Variants in VPS26C observed in about 807,000 individuals in gnomAD.
The protein encoded by VPS26C is vacuolar protein sorting-associated protein 26C.
In VPS26C, 19 loss-of-function variants were observed where a neutral mutation model predicts 30.6. The ratio of observed to expected loss-of-function variants is 0.62; its 90% CI spans 0.43 to 0.91. The LOEUF (loss-of-function observed/expected upper bound fraction) is 0.91. Ranked by LOEUF, VPS26C falls within the 40% of genes least tolerant of loss-of-function variation. The pLI, the probability that VPS26C is intolerant of heterozygous loss-of-function variation, is 0.00. For missense variants in VPS26C, 318 were observed against 385.1 expected (o/e 0.83, Z 1.46); for synonymous variants, 132 against 151.5 (o/e 0.87, Z 0.95).
intron 5 of VPS26C, among the ~76,000 whole-genome samples, chr21:37,229,786 C>T (rs2085942663): frequency 6.6e-6 from 1 of 152,144 alleles, no homozygotes; most frequent in African/African-American, 2.4e-5. Context: ...AAGCTCTGGA[C>T]CTGAAAAGCC....
At chr21:37,227,450 C>T in intron 7 of VPS26C, 1 of 597,866 alleles carries the variant, frequency 1.7e-6, no homozygotes, top group East Asian at 2.8e-5. Flanking sequence ...GTGGGTGTGT[C>T]CCCTGTGCGG....
chr21:37,233,380 T>A lies in VPS26C; in HGVS notation c.414A>T (p.Glu138Asp). Residue 138 changes from glutamate (E) to aspartate (D), a missense_variant, in exon 4 of 8, where the codon GAA (glutamate) becomes GAT (aspartate). Glu to Asp is a conservative substitution (Grantham distance 45). Coordinates refer to ENST00000309117, the MANE Select transcript of VPS26C (RefSeq NM_006052.2). The surrounding 1 kb of genome is among the most constrained non-coding windows in gnomAD (Gnocchi z 5.2). The stretch of plus-strand genomic sequence containing the variant: ...AGCTTACAGCGGAGTGAACGATAAA[T>A]TCACAGGTCTTTGTCAAGTCCTTGG... ...LLAKDLTKTC[E>D]FIVHSAPQKG... 6.2e-7 allele frequency: 1 copy of A among 1,614,088 alleles called. No homozygotes were observed. The highest frequency in any genetic ancestry group is 8.5e-7 in the Non-Finnish European group (1 of 1,179,980).
intron 5 of VPS26C, chr21:37,228,715 A>C: frequency 4.9e-6 from 1 of 204,458 alleles, no homozygotes; most frequent in Non-Finnish European, 1.0e-5. Flanking sequence ...TGTTCAAGAC[A>C]ACCTGACACA....
At chr21:37,254,189 C>G (rs891534653) in intron 1 of VPS26C, among the ~76,000 whole-genome samples, 1 of 152,182 alleles carries the variant, frequency 6.6e-6, no homozygotes, top group African/African-American at 2.4e-5. Flanking sequence ...AAAGAGCCAG[C>G]AGATTGAAAT....
chr21:37,266,980 C>G (rs979813877), intron 1 of VPS26C: 3 of 543,252 alleles, frequency 5.5e-6, no homozygotes, highest in Non-Finnish European at 9.8e-6. Context: ...AGCCCCGGAG[C>G]TGGGCGCCTG....
In VPS26C at chr21:37,228,327, G is replaced by A; in HGVS notation, c.554C>T (p.Thr185Ile). Reference sequence around the variant, plus strand: ...TAGTGGCTGCGTGATGACACAGTTTGTTGAGTTGAGATGTCCTCGAAGGAG... The same window carrying A: ...TAGTGGCTGCGTGATGACACAGTTTATTGAGTTGAGATGTCCTCGAAGGAG... The part of the protein sequence containing the change: ...KFLLRGHLNS[T>I]NCVITQPLTG... The change falls in exon 6 of 8, where the codon ACA becomes ATA. Residue 185 changes from threonine (T) to isoleucine (I), a missense_variant. Physicochemically the swap from Thr to Ile is moderately conservative, Grantham distance 89. Transcript: ENST00000309117. 1.9e-6 allele frequency: 3 copies of A among 1,614,176 alleles called. No homozygotes were observed. The highest frequency in any genetic ancestry group is 2.5e-6 in the Non-Finnish European group (3 of 1,180,012).
chr21:37,265,645 A>G (rs1569244249), intron 1 of VPS26C, among the ~76,000 whole-genome samples: 1 of 152,132 alleles, frequency 6.6e-6, no homozygotes, highest in Admixed American at 6.5e-5. Context: ...TTTGACACTG[A>G]TATTTCCGAA....
At chr21:37,267,505 G>T (rs184370156), upstream of VPS26C, 6 of 586,598 alleles carry the variant, frequency 1.0e-5, no homozygotes, top group Non-Finnish European at 1.8e-5. Context: ...GCCTTAGTGC[G>T]GGCCGAAGCG....
rs555296406 is a variant in VPS26C at position 37,226,367 on chromosome 21, G to C, written c.812-741C>G. 1 of 152,396 alleles carries C rather than the reference G, an allele frequency of 6.6e-6. No homozygotes were observed. Among genetic ancestry groups the C allele is most frequent in the South Asian group, 2.1e-4 (1 of 4,824 alleles). 9.4% of individuals were successfully genotyped at this position (152,396 alleles called of 1,614,324 possible). A position where few individuals can be genotyped will look rare whatever the true frequency, so the allele number is the denominator to read the frequency against. On this transcript the variant is annotated intron_variant, in intron 7 of 7. Coordinates refer to ENST00000309117, the MANE Select transcript of VPS26C (RefSeq NM_006052.2). This position sits in a 1 kb window ranked among gnomAD's most constrained non-coding sequence, Gnocchi z 4.1. ...GGAGTCAGTGCCCACCTGTGGCTGG[G>C]GTCTGCAGGACAACATCCCCGTGTG...
In VPS26C at chr21:37,225,325, T is replaced by C; in HGVS notation, c.*219A>G. 1.8e-6 allele frequency: 1 copy of C among 560,334 alleles called. No individual in the cohort carries two copies. Among genetic ancestry groups the C allele is most frequent in the Non-Finnish European group, 3.2e-6 (1 of 311,764 alleles). The allele number at this position is 560,334 out of a possible 1,614,324, so 34.7% of individuals were successfully genotyped here. On this transcript the variant is annotated 3_prime_UTR_variant, in exon 8 of 8. Transcript: ENST00000309117. ...CTTGGCAAATAGCATTAAGAAATCT[T>C]GTTGAATTTCAAAGAAAAGGTCTGA...
In VPS26C at chr21:37,225,499, A is replaced by C. The variant is rs755194884; in HGVS notation, c.*45T>G. 4 of 1,544,882 alleles carry C rather than the reference A, an allele frequency of 2.6e-6. No homozygotes were observed. Among genetic ancestry groups the C allele is most frequent in the Non-Finnish European group, 3.6e-6 (4 of 1,117,338 alleles). On this transcript the variant is annotated 3_prime_UTR_variant, in exon 8 of 8. Transcript: ENST00000309117. Reference sequence around the variant, plus strand: ...CCTTAGGATTTGGATAACCAGCTGGATTTCCAGATGGCCACTCCCGTTCTC... The same window carrying C: ...CCTTAGGATTTGGATAACCAGCTGGCTTTCCAGATGGCCACTCCCGTTCTC...
intron 1 of VPS26C, among the ~76,000 whole-genome samples, chr21:37,253,785 G>A (rs2086216340): frequency 6.6e-6 from 1 of 152,052 alleles, no homozygotes; most frequent in Non-Finnish European, 1.5e-5. Context: ...AAGCTTTCTG[G>A]GCACTGACAT....
At chr21:37,267,098 C>T in intron 1 of VPS26C, 140 bp downstream of exon 1, 1 of 810,534 alleles carries the variant, frequency 1.2e-6, no homozygotes, top group Non-Finnish European at 2.1e-6. Context: ...GGCGGGAACG[C>T]ACCCACCTTG....
chr21:37,253,889 C>G (rs1035365391), intron 1 of VPS26C, among the ~76,000 whole-genome samples: 1 of 152,170 alleles, frequency 6.6e-6, no homozygotes, highest in African/African-American at 2.4e-5. Flanking sequence ...TACTCCAAAT[C>G]TGAAAAAATT....
chr21:37,230,003 A>G (rs2085945015), intron 5 of VPS26C, among the ~76,000 whole-genome samples: 1 of 152,190 alleles, frequency 6.6e-6, no homozygotes, highest in Non-Finnish European at 1.5e-5. Flanking sequence ...AGTAGCTGGG[A>G]CTACGATCGC....
chr21:37,238,836 G>A (rs550829680), intron 2 of VPS26C, among the ~76,000 whole-genome samples: 21 of 152,300 alleles, frequency 1.4e-4, no homozygotes, highest in Admixed American at 4.6e-4. Flanking sequence ...AGGTGCTTGA[G>A]ACACATGGGA....
chr21:37,228,431 T>C (rs1035888918), intron 5 of VPS26C, 58 bp from the exon 6 acceptor site: 2 of 1,582,066 alleles, frequency 1.3e-6, no homozygotes, highest in Non-Finnish European at 8.6e-7. Context: ...AAGTGCTCCA[T>C]ACTTTGGTGC....
chr21:37,251,824 G>A (rs897435924), intron 1 of VPS26C, among the ~76,000 whole-genome samples: 1 of 152,172 alleles, frequency 6.6e-6, no homozygotes, highest in African/African-American at 2.4e-5. Context: ...TCTCTCCTCA[G>A]GAAAAGATCT....
chr21:37,225,492 C>T lies in VPS26C; in HGVS notation c.*52G>A. The T allele has an allele frequency of 1.3e-6, 2 of 1,507,460 alleles. No homozygotes were observed. The highest frequency in any genetic ancestry group is 9.2e-7 in the Non-Finnish European group (1 of 1,083,268). The allele number at this position is 1,507,460 out of a possible 1,614,324, so 93.4% of individuals were successfully genotyped here. ...TAGCTCCCCTTAGGATTTGGATAAC[C>T]AGCTGGATTTCCAGATGGCCACTCC... On this transcript the variant is annotated 3_prime_UTR_variant, in exon 8 of 8. Coordinates refer to ENST00000309117, the MANE Select transcript of VPS26C (RefSeq NM_006052.2).
Sources: gnomAD v4.1 joint callset for allele counts (sites outside exome capture counted in the v4.1 genomes callset) on GRCh38, gnomAD v4.1.1 for gene constraint, Gnocchi (gnomAD v3.1) non-coding constraint, MANE v1.5 for transcripts, NCBI Gene and HGNC (gene_info 2026-07-23, HGNC 2026-07-21) for gene names.